The following HS2ST1 variants were observed in gnomAD, a reference collection of about 807,000 sequenced individuals.
HS2ST1 encodes heparan sulfate 2-O-sulfotransferase 1.
A neutral mutation model predicts 42.9 loss-of-function variants in HS2ST1; 18 were observed. The ratio of observed to expected loss-of-function variants is 0.42; its 90% confidence interval spans 0.29 to 0.62. The LOEUF (loss-of-function observed/expected upper bound fraction) is 0.62. Ranked by LOEUF, HS2ST1 falls within the 20% of genes least tolerant of loss-of-function variation. The pLI, the probability that HS2ST1 is intolerant of heterozygous loss-of-function variation, is 0.21. For synonymous variants in HS2ST1, 146 were observed against 152.9 expected, an observed-to-expected ratio of 0.95 and a Z score of 0.33; for missense variants, 334 against 433.8, an observed-to-expected ratio of 0.77 and a Z score of 2.04.
intron 1 of HS2ST1, among the ~76,000 whole-genome samples, chr1:86,990,809 ATT>A (rs765958847): frequency 0.026 from 1,362 of 52,870 alleles, 168 homozygotes; most frequent in East Asian, 0.1. Context: ...TGCCTGGCTA[ATT>A]TTATATATAT....
rs988828034 is a variant in HS2ST1 at position 87,108,971 on chromosome 1, C to T, written c.*4275C>T. ...CCTCATAGTCCTGTTGGAAGATGCT[C>T]ACTACTTTCTCTCTTCTCTCTCCCT... On this transcript the variant is annotated 3_prime_UTR_variant, in exon 7 of 7. Transcript: ENST00000370550. The T allele has an allele frequency of 2.6e-5, 4 of 152,322 alleles. No homozygotes were observed. The highest frequency in any genetic ancestry group is 9.7e-5 in the African/African-American group (4 of 41,376). 9.4% of individuals were successfully genotyped at this position (152,322 alleles called of 1,614,324 possible).
At chr1:86,918,406 T>A (rs192403423) in intron 1 of HS2ST1, among the ~76,000 whole-genome samples, 115 of 152,262 alleles carry the variant, frequency 7.6e-4, no homozygotes, top group Middle Eastern at 6.8e-3. Flanking sequence ...AAAGTATGCA[T>A]GTATCATAAA....
intron 1 of HS2ST1, among the ~76,000 whole-genome samples, chr1:86,919,064 C>A (rs773013838): frequency 5.4e-4 from 82 of 151,912 alleles, no homozygotes; most frequent in Non-Finnish European, 9.1e-4. Flanking sequence ...CCTGCCTCAG[C>A]CTCCCAAGTA....
chr1:86,976,948 A>T (rs1414978476), intron 1 of HS2ST1, among the ~76,000 whole-genome samples: 1 of 151,522 alleles, frequency 6.6e-6, no homozygotes, highest in Admixed American at 6.6e-5. Flanking sequence ...GCTACTTGAG[A>T]GGCTGAGGTG....
At chr1:86,924,081 C>G (rs1164061741) in intron 1 of HS2ST1, among the ~76,000 whole-genome samples, 1 of 152,196 alleles carries the variant, frequency 6.6e-6, no homozygotes, top group African/African-American at 2.4e-5. Context: ...TACAGCCATT[C>G]CAAGTGGGAG....
intron 1 of HS2ST1, among the ~76,000 whole-genome samples, chr1:87,012,841 A>G (rs1402405180): frequency 6.6e-6 from 1 of 152,218 alleles, no homozygotes; most frequent in Non-Finnish European, 1.5e-5. Context: ...GGCCAAAACA[A>G]AGGGGCTACA....
chr1:87,041,117 T>A (rs914755674), intron 1 of HS2ST1, among the ~76,000 whole-genome samples: 10 of 151,754 alleles, frequency 6.6e-5, no homozygotes, highest in Non-Finnish European at 1.3e-4. Context: ...TGTTGTTTAC[T>A]TTTTAAAGGG....
At chr1:86,953,889 A>G (rs374271735) in intron 1 of HS2ST1, among the ~76,000 whole-genome samples, 10 of 152,090 alleles carry the variant, frequency 6.6e-5, no homozygotes, top group South Asian at 4.1e-4. Context: ...GGAATAGGGA[A>G]GCCTGAGCAG....
At chr1:87,009,404 G>A (rs1255767287) in intron 1 of HS2ST1, among the ~76,000 whole-genome samples, 2 of 152,158 alleles carry the variant, frequency 1.3e-5, no homozygotes, top group Non-Finnish European at 2.9e-5. Context: ...GTTATTTATG[G>A]TAGTTCCCTG....
At chr1:86,984,176 A>T (rs758282443) in intron 1 of HS2ST1, among the ~76,000 whole-genome samples, 1 of 152,246 alleles carries the variant, frequency 6.6e-6, no homozygotes, top group African/African-American at 2.4e-5. Context: ...ATTGAAGCCC[A>T]GGAGAGTCAG....
chr1:87,100,446 T>C (rs2100655985), intron 5 of HS2ST1, among the ~76,000 whole-genome samples: 1 of 152,204 alleles, frequency 6.6e-6, no homozygotes, highest in East Asian at 1.9e-4. Flanking sequence ...CCTTAAATCA[T>C]TCTTCCCCCC....
intron 1 of HS2ST1, among the ~76,000 whole-genome samples, chr1:86,931,138 ATG>A (rs1048704906): frequency 6.6e-6 from 1 of 152,104 alleles, no homozygotes; most frequent in African/African-American, 2.4e-5. Flanking sequence ...AGTTTTGACT[ATG>A]TACATGACGT....
chr1:86,961,845 A>G (rs1173535517), intron 1 of HS2ST1, among the ~76,000 whole-genome samples: 3 of 152,168 alleles, frequency 2.0e-5, no homozygotes, highest in Admixed American at 1.3e-4. Flanking sequence ...TGAATGTATC[A>G]TAAAAAGGAA....
At chr1:86,949,293 G>C (rs1455089515) in intron 1 of HS2ST1, among the ~76,000 whole-genome samples, 1 of 152,080 alleles carries the variant, frequency 6.6e-6, no homozygotes, top group Non-Finnish European at 1.5e-5. Flanking sequence ...ATTTTTAGTA[G>C]AGGCAGGGTT....
At chr1:86,969,353 T>G (rs913112768) in intron 1 of HS2ST1, among the ~76,000 whole-genome samples, 9 of 152,226 alleles carry the variant, frequency 5.9e-5, no homozygotes, top group Admixed American at 3.9e-4. Flanking sequence ...TTGAGCCTTT[T>G]TCTCTACTTG....
intron 1 of HS2ST1, among the ~76,000 whole-genome samples, chr1:87,058,727 T>C (rs1346921760): frequency 1.3e-5 from 2 of 151,616 alleles, no homozygotes; most frequent in African/African-American, 4.9e-5. Flanking sequence ...TGTTACCATA[T>C]AGGATTATTG....
rs546337687 is a variant in HS2ST1, at chr1:87,049,159, G to A, written c.125-23775G>A. On this transcript the variant is annotated intron_variant, in intron 1 of 6. Transcript: ENST00000370550. ...ATCTGTGAGCTTCGTTAATTTTTGT[G>A]TTTCAAGGAATTTAGCAATTTATCA... Among the ~76,000 whole-genome samples, 3 of 151,938 alleles carry A rather than the reference G, an allele frequency of 2.0e-5. No individual in the cohort carries two copies. In the South Asian group the frequency reaches 6.2e-4, roughly 31 times the overall value.
intron 1 of HS2ST1, among the ~76,000 whole-genome samples, chr1:87,021,150 A>G (rs1649937758): frequency 6.6e-6 from 1 of 152,138 alleles, no homozygotes; most frequent in South Asian, 2.1e-4. Flanking sequence ...CTTCCATTAC[A>G]TATAAAAAAA....
intron 1 of HS2ST1, among the ~76,000 whole-genome samples, chr1:87,070,427 C>CA (rs1014598134): frequency 2.6e-5 from 4 of 151,984 alleles, no homozygotes; most frequent in African/African-American, 9.7e-5. Context: ...GCCGTCTCTA[C>CA]AAAAAATACA....
Sources: gnomAD v4.1 joint callset for allele counts (sites outside exome capture counted in the v4.1 genomes callset) on GRCh38, gnomAD v4.1.1 for gene constraint, MANE v1.5 for transcripts, NCBI Gene and HGNC (gene_info 2026-07-23, HGNC 2026-07-21) for gene names.